The following RGS7BP variants were observed in gnomAD, a reference collection of about 807,000 sequenced individuals.
RGS7BP encodes the protein regulator of G protein signaling 7 binding protein.
In RGS7BP, 9 loss-of-function variants were observed where a neutral mutation model predicts 31.3. The ratio of observed to expected loss-of-function variants is 0.29; its 90% CI spans 0.17 to 0.50. The LOEUF is 0.50. RGS7BP is among the 20% of genes least tolerant of loss of function. The probability of loss-of-function intolerance (pLI) is 0.98; values close to 1 mark genes in which losing one functional copy is unlikely to be tolerated. For synonymous variants in RGS7BP, 115 were observed against 120.1 expected (o/e 0.96, Z 0.28); for missense variants, 274 against 322.0 (o/e 0.85, Z 1.14).
At chr5:64,598,261 T>C (rs1277222886) in intron 4 of RGS7BP, 104 bp from the exon 5 acceptor site, 2 of 722,256 alleles carry the variant, frequency 2.8e-6, no homozygotes, top group Non-Finnish European at 5.0e-6. Context: ...CTAGTGCAAT[T>C]AGACACAGAC....
intron 2 of RGS7BP, among the ~76,000 whole-genome samples, chr5:64,513,835 G>A (rs1748903042): frequency 6.6e-6 from 1 of 152,244 alleles, no homozygotes; most frequent in Non-Finnish European, 1.5e-5. Flanking sequence ...TGAAAGGCAA[G>A]TTATGTCTAT....
intron 2 of RGS7BP, among the ~76,000 whole-genome samples, chr5:64,556,417 C>CCCCACA (rs1554055931): frequency 1.7e-4 from 21 of 125,398 alleles, no homozygotes; most frequent in African/African-American, 6.3e-4. Flanking sequence ...TCTTCCCCAG[C>CCCCACA]CACACACACA....
intron 2 of RGS7BP, among the ~76,000 whole-genome samples, chr5:64,537,254 C>T (rs934691611): frequency 2.6e-5 from 4 of 152,136 alleles, no homozygotes; most frequent in African/African-American, 9.7e-5. Flanking sequence ...CTAATGATAG[C>T]TGATGAGCTA....
At chr5:64,558,181 G>T (rs997167165) in intron 2 of RGS7BP, among the ~76,000 whole-genome samples, 1 of 150,694 alleles carries the variant, frequency 6.6e-6, no homozygotes, top group Non-Finnish European at 1.5e-5. Flanking sequence ...TACTTACTAA[G>T]ATTTTTCTAG....
chr5:64,549,019 C>T (rs545567553), intron 2 of RGS7BP, among the ~76,000 whole-genome samples: 3 of 152,210 alleles, frequency 2.0e-5, no homozygotes, highest in Admixed American at 1.3e-4. Flanking sequence ...GCTTCTCTCA[C>T]GCAAAATACA....
chr5:64,568,631 GC>G (rs1444273379), intron 2 of RGS7BP, among the ~76,000 whole-genome samples: 1 of 152,042 alleles, frequency 6.6e-6, no homozygotes, highest in East Asian at 1.9e-4. Flanking sequence ...CTTCAGAATT[GC>G]CCCAAATGTC....
chr5:64,598,908 T>A (rs899108051), intron 5 of RGS7BP, among the ~76,000 whole-genome samples: 2 of 152,210 alleles, frequency 1.3e-5, no homozygotes, highest in Non-Finnish European at 2.9e-5. Flanking sequence ...TTTCCCAATT[T>A]ACTAGAAACT....
At chr5:64,527,815 A>G (rs974011017) in intron 2 of RGS7BP, among the ~76,000 whole-genome samples, 1 of 152,160 alleles carries the variant, frequency 6.6e-6, no homozygotes, top group African/African-American at 2.4e-5. Context: ...GTAGATATGT[A>G]TATAGTTGCA....
intron 2 of RGS7BP, among the ~76,000 whole-genome samples, chr5:64,545,324 T>G (rs546448324): frequency 5.2e-4 from 79 of 152,000 alleles, no homozygotes; most frequent in African/African-American, 1.9e-3. Context: ...AATGATGAGT[T>G]AATGGGTGCA....
Position 64,551,323 on chromosome 5 carries a change from C to T in RGS7BP, c.333-24451C>T, listed in dbSNP as rs1214358273. On this transcript the variant is annotated intron_variant, in intron 2 of 5. Coordinates refer to ENST00000334025, the MANE Select transcript of RGS7BP (RefSeq NM_001029875.3). ...TGTCTCCCAGCCTGGAGTGCAGTGGCGCAATCTTGGCTCACTGCAACCTCT... is the reference window on the plus strand; with the variant it reads ...TGTCTCCCAGCCTGGAGTGCAGTGGTGCAATCTTGGCTCACTGCAACCTCT... Among the ~76,000 whole-genome samples, 12 of 148,500 alleles carry T rather than the reference C, an allele frequency of 8.1e-5. 1 individual carries two copies. Among genetic ancestry groups the T allele is most frequent in the South Asian group, 4.2e-4 (2 of 4,758 alleles).
chr5:64,568,169 A>G, intron 2 of RGS7BP, among the ~76,000 whole-genome samples: 1 of 152,142 alleles, frequency 6.6e-6, no homozygotes, highest in Middle Eastern at 3.2e-3. Flanking sequence ...ATATTCGTGG[A>G]GAAGGGCTGT....
intron 2 of RGS7BP, among the ~76,000 whole-genome samples, chr5:64,546,481 GA>G (rs1741662490): frequency 6.6e-6 from 1 of 152,082 alleles, no homozygotes; most frequent in South Asian, 2.1e-4. Flanking sequence ...TAAAATAGCC[GA>G]AAACAGTCCC....
Position 64,587,055 on chromosome 5 carries a change from C to G in RGS7BP, c.464-7655C>G, listed in dbSNP as rs931238301. On this transcript the variant is annotated intron_variant, in intron 3 of 5. Transcript: ENST00000334025. ...GCTGGGTAGAGTGGGCAGTGTTGCT[C>G]TTTCCATTCTCTGCATTCATCAAAT... Among the ~76,000 whole-genome samples the G allele has an allele frequency of 6.6e-5, 10 of 152,082 alleles. No homozygotes were observed. The South Asian group carries it at 1.5e-3, about 22-fold the overall frequency.
At position 64,609,860 on chromosome 5, in the gene RGS7BP, A is replaced by G. The variant is rs969026340; in HGVS notation, c.*608A>G. The stretch of plus-strand genomic sequence containing the variant: ...AAAGTATCTTAATTTATAAAGCAAC[A>G]AAAACCACATATGAAAAGTACTAAA... On this transcript the variant is annotated 3_prime_UTR_variant, in exon 6 of 6. Coordinates refer to ENST00000334025, the MANE Select transcript of RGS7BP (RefSeq NM_001029875.3). 6.6e-6 allele frequency: 1 copy of G among 152,508 alleles called. No homozygotes were observed. Among genetic ancestry groups the G allele is most frequent in the Non-Finnish European group, 1.5e-5 (1 of 67,982 alleles). The allele number at this position is 152,508 out of a possible 1,614,324, so 9.4% of individuals were successfully genotyped here. A position where few individuals can be genotyped will look rare whatever the true frequency, so the allele number is the denominator to read the frequency against.
rs1409154665 is a variant in RGS7BP, at chr5:64,507,714, G to A, written c.169G>A (p.Val57Ile). The A allele has an allele frequency of 6.4e-7, 1 of 1,564,062 alleles. No individual in the cohort carries two copies. The highest frequency in any genetic ancestry group is 8.6e-7 in the Non-Finnish European group (1 of 1,156,864). Residue 57 changes from valine (V) to isoleucine (I), a missense_variant, in exon 2 of 6, where the codon GTC (valine) becomes ATC (isoleucine). By Grantham distance (29) the Val-to-Ile change is conservative. Around this residue, in one of 3 missense-constraint regions of RGS7BP, gnomAD observed 149 missense variants for 152.6 expected, o/e 0.98. Coordinates refer to ENST00000334025, the MANE Select transcript of RGS7BP (RefSeq NM_001029875.3). ...QRALDDCKML[V>I]QEFNTQVALY... ...AAAAAACTCACTTCTTTTCCAGCTT[G>A]TCCAAGAGTTCAACACACAAGTGGC...
chr5:64,609,369 T>C lies in RGS7BP; in HGVS notation c.*117T>C. On this transcript the variant is annotated 3_prime_UTR_variant, in exon 6 of 6. Coordinates refer to ENST00000334025, the MANE Select transcript of RGS7BP (RefSeq NM_001029875.3). Reference sequence around the variant, plus strand: ...TTTGACTATGTTTTCTATGCTTCCTTATTACTTTTATCTGCCTCCCCCTGC... The same window carrying C: ...TTTGACTATGTTTTCTATGCTTCCTCATTACTTTTATCTGCCTCCCCCTGC... 1 of 667,226 alleles carries C rather than the reference T, an allele frequency of 1.5e-6. No homozygotes were observed. The highest frequency in any genetic ancestry group is 1.7e-5 in the South Asian group (1 of 59,032). The allele number at this position is 667,226 out of a possible 1,614,324, so 41.3% of individuals were successfully genotyped here.
intron 2 of RGS7BP, among the ~76,000 whole-genome samples, chr5:64,523,114 G>A (rs1749149200): frequency 6.6e-6 from 1 of 152,182 alleles, no homozygotes; most frequent in Non-Finnish European, 1.5e-5. Context: ...AAAATAAAAG[G>A]GACTATCCAG....
chr5:64,599,827 T>G (rs962768379), intron 5 of RGS7BP, among the ~76,000 whole-genome samples: 30 of 152,248 alleles, frequency 2.0e-4, no homozygotes, highest in African/African-American at 7.2e-4. Context: ...TTGTTTAACT[T>G]CTGCAAATGT....
chr5:64,555,427 C>A lies in RGS7BP; in HGVS notation c.333-20347C>A, dbSNP rs902612987. Among the ~76,000 whole-genome samples the A allele has an allele frequency of 3.3e-5, 5 of 152,042 alleles. No individual in the cohort carries two copies. The East Asian group carries it at 9.6e-4, about 29-fold the overall frequency. On this transcript the variant is annotated intron_variant, in intron 2 of 5. Transcript: ENST00000334025. ...TTTTTACATAGTTGAACCTGTTGAT[C>A]TTGACTAAAGTTTTTTTAACCTTCA...
Sources: gnomAD v4.1 joint callset for allele counts (sites outside exome capture counted in the v4.1 genomes callset) on GRCh38, gnomAD v4.1.1 for gene constraint, gnomAD v4.1.1 regional missense constraint, MANE v1.5 for transcripts, NCBI Gene and HGNC (gene_info 2026-07-23, HGNC 2026-07-21) for gene names.